GRID2: variants seen among roughly 807,000 people sequenced by gnomAD.
GRID2 encodes the protein glutamate ionotropic receptor delta type subunit 2, also known as glutamate receptor ionotropic, delta-2.
In GRID2, 33 loss-of-function variants were observed where a neutral mutation model predicts 114.8. The observed-to-expected ratio is 0.29, with a 90% CI of 0.22 to 0.38. The LOEUF (loss-of-function observed/expected upper bound fraction) is 0.38, where lower values mean the gene tolerates loss of function less well. GRID2 is among the 10% of genes least tolerant of loss of function. The probability of loss-of-function intolerance (pLI) is 1.00; values close to 1 mark genes in which losing one functional copy is unlikely to be tolerated. For synonymous variants in GRID2, 505 were observed against 449.9 expected, an observed-to-expected ratio of 1.12 and a Z score of -1.55; for missense variants, 1,184 against 1,257.7, an observed-to-expected ratio of 0.94 and a Z score of 0.89.
chr4:92,651,257 C>T (rs927714382), intron 2 of GRID2, among the ~76,000 whole-genome samples: 1 of 152,082 alleles, frequency 6.6e-6, no homozygotes, highest in African/African-American at 2.4e-5. Flanking sequence ...CACCAGGTAG[C>T]TGGCTGATCA....
intron 1 of GRID2, among the ~76,000 whole-genome samples, chr4:92,459,807 A>G (rs1304041524): frequency 2.6e-5 from 4 of 151,638 alleles, no homozygotes; most frequent in Admixed American, 2.0e-4. Context: ...GTAGACTTAC[A>G]GTAAAGCAGA....
At chr4:92,647,026 A>G (rs1395671900) in intron 2 of GRID2, among the ~76,000 whole-genome samples, 1 of 152,240 alleles carries the variant, frequency 6.6e-6, no homozygotes, top group Non-Finnish European at 1.5e-5. Context: ...TTCCCTAAAA[A>G]GCTAAATAGC....
intron 2 of GRID2, among the ~76,000 whole-genome samples, chr4:93,040,478 T>C (rs1725405378): frequency 1.3e-5 from 2 of 152,146 alleles, no homozygotes; most frequent in Non-Finnish European, 1.5e-5. Context: ...CTGTAAAGTG[T>C]ATTCTTTTTC....
chr4:93,301,652 G>T (rs1331739655), intron 8 of GRID2, among the ~76,000 whole-genome samples: 1 of 152,104 alleles, frequency 6.6e-6, no homozygotes, highest in African/African-American at 2.4e-5. Flanking sequence ...GTTTATCAAA[G>T]TACCACACAA....
intron 12 of GRID2, among the ~76,000 whole-genome samples, chr4:93,506,796 G>C (rs535712528): frequency 3.9e-5 from 6 of 152,126 alleles, no homozygotes; most frequent in Middle Eastern, 6.8e-3. Context: ...GCCTTGCCTG[G>C]TATCATTCTA....
chr4:93,031,099 T>A (rs1051741097), intron 2 of GRID2, among the ~76,000 whole-genome samples: 1 of 145,984 alleles, frequency 6.9e-6, no homozygotes, highest in Non-Finnish European at 1.5e-5. Flanking sequence ...TGCAGTGGCA[T>A]GGTCTTGGCT....
At chr4:93,048,155 A>G (rs1469261866) in intron 2 of GRID2, among the ~76,000 whole-genome samples, 1 of 151,960 alleles carries the variant, frequency 6.6e-6, no homozygotes, top group Non-Finnish European at 1.5e-5. Flanking sequence ...TTAGTAAGTC[A>G]CGTGTGCCCC....
intron 2 of GRID2, among the ~76,000 whole-genome samples, chr4:92,894,950 G>A (rs763003384): frequency 4.6e-5 from 7 of 152,020 alleles, no homozygotes; most frequent in African/African-American, 1.4e-4. Flanking sequence ...TGCACTGTAC[G>A]GCCATAATTG....
At chr4:92,613,815 C>T (rs1195025820) in intron 2 of GRID2, among the ~76,000 whole-genome samples, 1 of 151,190 alleles carries the variant, frequency 6.6e-6, no homozygotes, top group African/African-American at 2.4e-5. Flanking sequence ...AGTGATTTTT[C>T]TCCTTTGTGT....
At chr4:92,684,150 CA>C (rs1733787768) in intron 2 of GRID2, among the ~76,000 whole-genome samples, 1 of 151,856 alleles carries the variant, frequency 6.6e-6, no homozygotes, top group African/African-American at 2.4e-5. Context: ...GAAAAACAAT[CA>C]TATGTAATTT....
Position 93,395,549 on chromosome 4 carries a change from A to C in GRID2, c.1246-58A>C, listed in dbSNP as rs745853631. 1.0e-4 allele frequency: 80 copies of C among 783,722 alleles called. No homozygotes were observed. The Middle Eastern group carries it at 1.8e-3, about 18-fold the overall frequency. The allele number at this position is 783,722 out of a possible 1,614,324, so 48.5% of individuals were successfully genotyped here. A position where few individuals can be genotyped will look rare whatever the true frequency, so the allele number is the denominator to read the frequency against. On this transcript the variant is annotated intron_variant, in intron 8 of 15. Coordinates refer to ENST00000282020, the MANE Select transcript of GRID2 (RefSeq NM_001510.4). ...ACATAGTTCTCCATAAAGACTATACAGAGGTGATGGGACTGTTCTTCAGGC... is the reference window on the plus strand; with the variant it reads ...ACATAGTTCTCCATAAAGACTATACCGAGGTGATGGGACTGTTCTTCAGGC...
At chr4:92,985,512 C>T (rs1754464186) in intron 2 of GRID2, among the ~76,000 whole-genome samples, 1 of 152,192 alleles carries the variant, frequency 6.6e-6, no homozygotes, top group South Asian at 2.1e-4. Context: ...GCTGGGATTA[C>T]AGGCGTAAGC....
rs571275893 is a variant in GRID2 at position 93,097,283 on chromosome 4, TA to T, written c.529+12010del. Among the ~76,000 whole-genome samples, 19 of 147,740 alleles carry T rather than the reference TA, an allele frequency of 1.3e-4. No individual in the cohort carries two copies. In the East Asian group the frequency reaches 3.8e-3, roughly 30 times the overall value. ...TTATTATATGTAAATTAAACTTCAA[TA>T]AAAAATTACAATATAGAACAACCCA... On this transcript the variant is annotated intron_variant, in intron 3 of 15. Coordinates refer to ENST00000282020, the MANE Select transcript of GRID2 (RefSeq NM_001510.4).
At chr4:93,605,504 A>G (rs1043904398) in intron 13 of GRID2, among the ~76,000 whole-genome samples, 9 of 152,336 alleles carry the variant, frequency 5.9e-5, no homozygotes, top group Admixed American at 2.0e-4. Context: ...TAGTAGAAAT[A>G]TCATTGATCT....
intron 2 of GRID2, among the ~76,000 whole-genome samples, chr4:92,915,959 T>C (rs1276123351): frequency 6.6e-6 from 1 of 152,162 alleles, no homozygotes; most frequent in Non-Finnish European, 1.5e-5. Context: ...TTATAGATGC[T>C]GGATATTAGA....
chr4:92,899,525 G>A (rs747999234), intron 2 of GRID2, among the ~76,000 whole-genome samples: 1 of 152,076 alleles, frequency 6.6e-6, no homozygotes, highest in Non-Finnish European at 1.5e-5. Context: ...ACAGGACTTG[G>A]TATTTCCTAA....
intron 14 of GRID2, among the ~76,000 whole-genome samples, chr4:93,760,443 A>G (rs1451682306): frequency 2.0e-5 from 3 of 152,236 alleles, no homozygotes; most frequent in Non-Finnish European, 2.9e-5. Flanking sequence ...TGAAAGTAAC[A>G]TATCAGGTTT....
chr4:93,416,624 CT>C (rs976212522), intron 9 of GRID2, among the ~76,000 whole-genome samples: 1 of 151,998 alleles, frequency 6.6e-6, no homozygotes, highest in Non-Finnish European at 1.5e-5. Context: ...ATGTCAGATG[CT>C]TTTTTCCAAC....
chr4:93,312,413 A>G (rs1188122262), intron 8 of GRID2, among the ~76,000 whole-genome samples: 1 of 152,196 alleles, frequency 6.6e-6, no homozygotes, highest in Non-Finnish European at 1.5e-5. Context: ...TAGCTGGCAT[A>G]TACAGGGACA....
Sources: allele counts gnomAD v4.1 joint callset (sites outside exome capture counted in the v4.1 genomes callset), GRCh38; gene constraint gnomAD v4.1.1; transcripts MANE v1.5; gene names NCBI Gene and HGNC (gene_info 2026-07-23, HGNC 2026-07-21).